DNTTIP1: variants seen among roughly 807,000 people sequenced by gnomAD.
DNTTIP1 encodes the protein deoxynucleotidyltransferase terminal interacting protein 1, also known as deoxynucleotidyltransferase terminal-interacting protein 1.
Under a neutral mutation model 52.9 loss-of-function variants are expected in DNTTIP1, and 22 were observed. The ratio of observed to expected loss-of-function variants is 0.42; its 90% CI spans 0.30 to 0.59. The LOEUF (loss-of-function observed/expected upper bound fraction) is 0.59, where lower values mean the gene tolerates loss of function less well. DNTTIP1 is among the 20% of genes least tolerant of loss of function. The pLI, the probability that DNTTIP1 is intolerant of heterozygous loss-of-function variation, is 0.22. For synonymous variants in DNTTIP1, 136 were observed against 155.1 expected (o/e 0.88, Z 0.92); for missense variants, 286 against 435.5 (o/e 0.66, Z 3.06).
chr20:45,794,607 C>A (rs532568894), intron 3 of DNTTIP1, among the ~76,000 whole-genome samples: 1 of 151,718 alleles, frequency 6.6e-6, no homozygotes, highest in African/African-American at 2.4e-5. Flanking sequence ...GCACTGTGCT[C>A]CAGACATAAC....
At position 45,811,295 on chromosome 20, in the gene DNTTIP1, G is replaced by A; in HGVS notation, c.*100G>A. On this transcript the variant is annotated 3_prime_UTR_variant, in exon 13 of 13. Coordinates refer to ENST00000372622, the MANE Select transcript of DNTTIP1 (RefSeq NM_052951.3). The stretch of plus-strand genomic sequence containing the variant: ...GACTGCTCCTAGATGGATCTCAGCG[G>A]CATTAAGCTGTGCCTGAGCGAGTTT... 3 of 1,404,410 alleles carry A rather than the reference G, an allele frequency of 2.1e-6. No individual in the cohort carries two copies. The highest frequency in any genetic ancestry group is 2.3e-5 in the East Asian group (1 of 43,298). 87.0% of individuals were successfully genotyped at this position (1,404,410 alleles called of 1,614,324 possible). A position where few individuals can be genotyped will look rare whatever the true frequency, so the allele number is the denominator to read the frequency against.
chr20:45,805,056 A>G, intron 8 of DNTTIP1, 90 bp from the exon 9 acceptor site: 1 of 1,094,320 alleles, frequency 9.1e-7, no homozygotes, highest in Admixed American at 1.7e-5. Context: ...AGACAAGGGG[A>G]AGGGTTAGAA....
At chr20:45,794,491 A>AGG (rs1981164125) in intron 3 of DNTTIP1, among the ~76,000 whole-genome samples, 1 of 151,948 alleles carries the variant, frequency 6.6e-6, no homozygotes, top group Non-Finnish European at 1.5e-5. Context: ...TCCCTCCTTG[A>AGG]GGGTAATTCA....
chr20:45,792,666 G>C lies in DNTTIP1; in HGVS notation c.106-11G>C, dbSNP rs80189841. 4,795 of 1,592,102 alleles carry C rather than the reference G, an allele frequency of 3.0e-3. 11 individuals are homozygous for C. Among genetic ancestry groups the C allele is most frequent in the Non-Finnish European group, 3.4e-3 (3,938 of 1,171,558 alleles). The stretch of plus-strand genomic sequence containing the variant: ...AGGCCGCAGTGACATTTGTTCCGTT[G>C]GTCCCCACAGAACCCTTGGAACATA... On this transcript the variant is annotated splice_polypyrimidine_tract_variant and intron_variant, in intron 1 of 12. Transcript: ENST00000372622.
At chr20:45,807,865 T>C (rs1467570719) in intron 10 of DNTTIP1, among the ~76,000 whole-genome samples, 3 of 151,926 alleles carry the variant, frequency 2.0e-5, no homozygotes, top group African/African-American at 7.3e-5. Flanking sequence ...GGCAGGAGAA[T>C]TGCCTAAACC....
rs1555816023 is a variant in DNTTIP1 at position 45,806,365 on chromosome 20, A to AAATAAAAT, written c.723+1001_723+1002insTAAAATAA. On this transcript the variant is annotated intron_variant, in intron 10 of 12. Transcript: ENST00000372622. ...AGCAAAACTCCATCTCAAAAAAAAAAAAATAGAGTTTGGAGCAAGGCAGGG... is the reference window on the plus strand; with the variant it reads ...AGCAAAACTCCATCTCAAAAAAAAAAAATAAAATAAATAGAGTTTGGAGCAAGGCAGGG... 8.4e-4 allele frequency among the ~76,000 whole-genome samples: 127 copies of AAATAAAAT among 151,936 alleles called. 1 individual carries two copies. In the East Asian group the frequency reaches 8.7e-3, roughly 10 times the overall value.
At chr20:45,805,640 AT>A (rs11475057) in intron 10 of DNTTIP1, among the ~76,000 whole-genome samples, 2,294 of 152,304 alleles carry the variant, frequency 0.015, 56 homozygotes, top group African/African-American at 0.053. Context: ...TGCCATCCTT[AT>A]TTCACAAATT....
chr20:45,794,013 T>C lies in DNTTIP1; in HGVS notation c.269T>C (p.Met90Thr). The C allele has an allele frequency of 6.3e-7, 1 of 1,588,048 alleles. No individual in the cohort carries two copies. Among genetic ancestry groups the C allele is most frequent in the Non-Finnish European group, 8.6e-7 (1 of 1,165,606 alleles). Reference sequence around the variant, plus strand: ...ATCCAGACTGTCTTCAACAAGTACATGAAGGTGAGAGGGACACAGGATAAA... The same window carrying C: ...ATCCAGACTGTCTTCAACAAGTACACGAAGGTGAGAGGGACACAGGATAAA... ...EEIQTVFNKY[M>T]KFFQKAALNV... The change falls in exon 3 of 13, where the codon ATG becomes ACG. Residue 90 changes from methionine to threonine, a missense_variant. Transcript: ENST00000372622.
At chr20:45,792,829 G>T (rs1981079643) in intron 2 of DNTTIP1, 82 bp downstream of exon 2, 6 of 1,257,516 alleles carry the variant, frequency 4.8e-6, no homozygotes, top group Non-Finnish European at 6.6e-6. Context: ...ACAAGGCTAT[G>T]GAGATCTACA....
intron 3 of DNTTIP1, 92 bp from the exon 4 acceptor site, chr20:45,795,253 A>C: frequency 1.5e-6 from 1 of 689,126 alleles, no homozygotes; most frequent in Admixed American, 2.9e-5. Flanking sequence ...TTCTGTATGA[A>C]GCTAGGATAA....
At chr20:45,808,279 G>A (rs1446125044) in intron 10 of DNTTIP1, among the ~76,000 whole-genome samples, 1 of 152,126 alleles carries the variant, frequency 6.6e-6, no homozygotes, top group Non-Finnish European at 1.5e-5. Flanking sequence ...AGGAGGTGGA[G>A]GTTGCGGTGA....
At chr20:45,805,577 G>C (rs1189519740) in intron 10 of DNTTIP1, among the ~76,000 whole-genome samples, 1 of 152,118 alleles carries the variant, frequency 6.6e-6, no homozygotes, top group Non-Finnish European at 1.5e-5. Context: ...TGCTTACTGG[G>C]TGCCAAACAC....
chr20:45,810,796 C>A, intron 11 of DNTTIP1, 89 bp from the exon 12 acceptor site: 2 of 1,227,426 alleles, frequency 1.6e-6, no homozygotes, highest in Admixed American at 1.8e-5. Context: ...TAGTAGCAGG[C>A]CTTACATTAA....
rs770465014 is a variant in DNTTIP1, at chr20:45,805,067, A to G, written c.604-79A>G. Reference sequence around the variant, plus strand: ...TAATAGACAAGGGGAAGGGTTAGAAAAGGGTAGGGGGAGGAGTGTTTCTGT... The same window carrying G: ...TAATAGACAAGGGGAAGGGTTAGAAGAGGGTAGGGGGAGGAGTGTTTCTGT... On this transcript the variant is annotated intron_variant, in intron 8 of 12. Transcript: ENST00000372622. 4.5e-5 allele frequency: 56 copies of G among 1,251,526 alleles called. 1 individual carries two copies. Among genetic ancestry groups the G allele is most frequent in the Non-Finnish European group, 6.1e-5 (52 of 850,670 alleles). 77.5% of individuals were successfully genotyped at this position (1,251,526 alleles called of 1,614,324 possible).
At position 45,798,945 on chromosome 20, in the gene DNTTIP1, CA is replaced by C. The variant is rs981470703; in HGVS notation, c.373-2128del. On this transcript the variant is annotated intron_variant, in intron 4 of 12. Coordinates refer to ENST00000372622, the MANE Select transcript of DNTTIP1 (RefSeq NM_052951.3). Reference sequence around the variant, plus strand: ...GAACTTAACAGCCTACTTAAGCAGACAGGTGTGAATTAGATTACCAACAAAT... The same window carrying C: ...GAACTTAACAGCCTACTTAAGCAGACGGTGTGAATTAGATTACCAACAAAT... 8.7e-4 allele frequency among the ~76,000 whole-genome samples: 132 copies of C among 152,290 alleles called. 2 individuals carry two copies. Among genetic ancestry groups the C allele is most frequent in the African/African-American group, 3.1e-3 (130 of 41,568 alleles).
intron 2 of DNTTIP1, 37 bp downstream of exon 2, chr20:45,792,784 A>G: frequency 6.3e-7 from 1 of 1,581,594 alleles, no homozygotes; most frequent in Non-Finnish European, 8.6e-7. Flanking sequence ...TATCCCAGCC[A>G]CTGGCTTGCA....
intron 11 of DNTTIP1, among the ~76,000 whole-genome samples, chr20:45,810,633 T>G (rs904448911): frequency 4.0e-5 from 6 of 151,540 alleles, no homozygotes; most frequent in African/African-American, 1.2e-4. Flanking sequence ...ATGGGTCCTT[T>G]TTTAAAAGAG....
At chr20:45,810,502 G>C (rs1167790936) in intron 11 of DNTTIP1, among the ~76,000 whole-genome samples, 1 of 151,378 alleles carries the variant, frequency 6.6e-6, no homozygotes, top group African/African-American at 2.4e-5. Flanking sequence ...AACCCACCTT[G>C]GGTCCTTTCG....
In DNTTIP1 at chr20:45,809,880, C is replaced by G. The variant is rs1197120806; in HGVS notation, c.795+695C>G. Among the ~76,000 whole-genome samples the G allele has an allele frequency of 2.0e-5, 3 of 152,106 alleles. No individual in the cohort carries two copies. Among genetic ancestry groups the G allele is most frequent in the Non-Finnish European group, 2.9e-5 (2 of 68,026 alleles). On this transcript the variant is annotated intron_variant, in intron 11 of 12. Coordinates refer to ENST00000372622, the MANE Select transcript of DNTTIP1 (RefSeq NM_052951.3). The surrounding 1 kb of genome is among the most constrained non-coding windows in gnomAD (Gnocchi z 4.2). ...GAGAGCTACCTTTTATTTTATTTTA[C>G]TACTCTATTTATGCCTATGCTTTAC...
Sources: allele counts gnomAD v4.1 joint callset (sites outside exome capture counted in the v4.1 genomes callset), GRCh38; gene constraint gnomAD v4.1.1; non-coding constraint Gnocchi (gnomAD v3.1); transcripts MANE v1.5; gene names NCBI Gene and HGNC (gene_info 2026-07-23, HGNC 2026-07-21).